Variants in GPC5 observed in about 807,000 individuals in gnomAD.
The protein encoded by GPC5 is glypican 5.
GPC5 carries 47 observed loss-of-function variants against 53.9 expected under a neutral mutation model. That is an observed-to-expected ratio of 0.87 (90% confidence interval 0.69 to 1.11). The LOEUF (loss-of-function observed/expected upper bound fraction) is 1.11, where lower values mean the gene tolerates loss of function less well. Ranked by LOEUF, GPC5 falls within the 50% of genes most tolerant of loss-of-function variation. The pLI is 0.00. For synonymous variants in GPC5, 286 were observed against 263.3 expected, an observed-to-expected ratio of 1.09 and a Z score of -0.84; for missense variants, 748 against 713.1, an observed-to-expected ratio of 1.05 and a Z score of -0.56.
At chr13:92,524,441 CA>C (rs1444587829) in intron 7 of GPC5, among the ~76,000 whole-genome samples, 1 of 152,066 alleles carries the variant, frequency 6.6e-6, no homozygotes, top group African/African-American at 2.4e-5. Context: ...TCAGTACAGA[CA>C]GAATATTTTT....
chr13:91,841,068 G>C (rs776368824), intron 5 of GPC5, among the ~76,000 whole-genome samples: 77 of 151,534 alleles, frequency 5.1e-4, no homozygotes, highest in Admixed American at 1.6e-3. Context: ...TTCAAAGAGC[G>C]TGAAAGCTAG....
At chr13:92,533,651 G>A (rs893992966) in intron 7 of GPC5, among the ~76,000 whole-genome samples, 1 of 152,018 alleles carries the variant, frequency 6.6e-6, no homozygotes, top group Non-Finnish European at 1.5e-5. Context: ...TTAAATAGAG[G>A]GTAAGTGTAT....
chr13:91,633,537 C>CA (rs1264354960), intron 2 of GPC5, among the ~76,000 whole-genome samples: 2 of 152,122 alleles, frequency 1.3e-5, no homozygotes, highest in Non-Finnish European at 2.9e-5. Flanking sequence ...ATTTTGGTGT[C>CA]AAACTAATTT....
intron 6 of GPC5, among the ~76,000 whole-genome samples, chr13:92,016,564 CT>C (rs2040709141): frequency 1.3e-5 from 2 of 152,104 alleles, no homozygotes; most frequent in Admixed American, 1.3e-4. Context: ...ATTTATGCAC[CT>C]TTCTGTGCTT....
At chr13:91,517,191 T>C (rs1885551260) in intron 2 of GPC5, among the ~76,000 whole-genome samples, 1 of 152,234 alleles carries the variant, frequency 6.6e-6, no homozygotes. Flanking sequence ...AATGGGTTTT[T>C]CTTTTCTACT....
Position 92,758,994 on chromosome 13 carries a change from G to GTTTTTTT in GPC5, c.1562-107269_1562-107263dup, listed in dbSNP as rs68182839. On this transcript the variant is annotated intron_variant, in intron 7 of 7. Coordinates refer to ENST00000377067, the MANE Select transcript of GPC5 (RefSeq NM_004466.6). Reference sequence around the variant, plus strand: ...CAGAGAATATCCTTTTCCCATTGCGGTTTTTTTTTTTTTTTTTTTTTTTTT... The same window carrying GTTTTTTT: ...CAGAGAATATCCTTTTCCCATTGCGGTTTTTTTTTTTTTTTTTTTTTTTTTTTTTTTT... 2.0e-3 allele frequency among the ~76,000 whole-genome samples: 142 copies of GTTTTTTT among 70,558 alleles called. 12 individuals carry two copies. The highest frequency in any genetic ancestry group is 6.3e-3 in the East Asian group (10 of 1,592). 46.3% of individuals were successfully genotyped at this position (70,558 alleles called of 152,430 possible).
intron 7 of GPC5, among the ~76,000 whole-genome samples, chr13:92,451,814 AATGTAC>A (rs1051536360): frequency 6.6e-6 from 1 of 152,188 alleles, no homozygotes; most frequent in African/African-American, 2.4e-5. Flanking sequence ...GAAGAAACGA[AATGTAC>A]ATGTACCTGT....
At chr13:92,179,347 A>G (rs1161365527) in intron 7 of GPC5, among the ~76,000 whole-genome samples, 1 of 152,226 alleles carries the variant, frequency 6.6e-6, no homozygotes, top group Non-Finnish European at 1.5e-5. Context: ...TTTACAGATG[A>G]CACAGCTAAG....
At chr13:92,144,466 A>G (rs1326755284) in intron 6 of GPC5, among the ~76,000 whole-genome samples, 2 of 152,216 alleles carry the variant, frequency 1.3e-5, no homozygotes, top group Non-Finnish European at 2.9e-5. Flanking sequence ...ATTATCAGCC[A>G]ATATACTACA....
chr13:91,811,439 TA>T (rs2038310519), intron 5 of GPC5, among the ~76,000 whole-genome samples: 1 of 152,138 alleles, frequency 6.6e-6, no homozygotes, highest in East Asian at 1.9e-4. Flanking sequence ...TTATGTTGTA[TA>T]ATGATAAACA....
At chr13:91,471,028 A>G (rs1882586073) in intron 2 of GPC5, among the ~76,000 whole-genome samples, 1 of 152,162 alleles carries the variant, frequency 6.6e-6, no homozygotes, top group African/African-American at 2.4e-5. Context: ...GTTAAAAAAA[A>G]CAAACAACCC....
chr13:92,378,698 C>T (rs2043714531), intron 7 of GPC5, among the ~76,000 whole-genome samples: 1 of 152,108 alleles, frequency 6.6e-6, no homozygotes, highest in Admixed American at 6.6e-5. Flanking sequence ...GAAACTATGA[C>T]TCCATCATTG....
At chr13:92,568,206 A>T (rs1317052155) in intron 7 of GPC5, among the ~76,000 whole-genome samples, 1 of 152,162 alleles carries the variant, frequency 6.6e-6, no homozygotes, top group Non-Finnish European at 1.5e-5. Context: ...TTTATTACCA[A>T]TGCAAATAAT....
intron 2 of GPC5, among the ~76,000 whole-genome samples, chr13:91,509,141 T>C (rs1315724357): frequency 1.3e-5 from 2 of 152,298 alleles, no homozygotes; most frequent in African/African-American, 4.8e-5. Flanking sequence ...AGGCTACCAC[T>C]AATATTCCCT....
At chr13:92,564,982 A>C (rs1882819203) in intron 7 of GPC5, among the ~76,000 whole-genome samples, 1 of 152,100 alleles carries the variant, frequency 6.6e-6, no homozygotes. Context: ...TTAAACACCC[A>C]GATGTAAAAG....
intron 7 of GPC5, among the ~76,000 whole-genome samples, chr13:92,334,699 T>C (rs1383628946): frequency 3.3e-5 from 5 of 151,908 alleles, no homozygotes; most frequent in Non-Finnish European, 7.4e-5. Flanking sequence ...AGGCATTGGG[T>C]AAATATACCC....
chr13:91,685,786 T>C (rs908822171), intron 2 of GPC5, among the ~76,000 whole-genome samples: 1 of 152,126 alleles, frequency 6.6e-6, no homozygotes, highest in African/African-American at 2.4e-5. Context: ...ATAGACAGTG[T>C]GCCATTGAAA....
chr13:92,515,571 A>G (rs1024184580), intron 7 of GPC5, among the ~76,000 whole-genome samples: 1 of 152,238 alleles, frequency 6.6e-6, no homozygotes, highest in Non-Finnish European at 1.5e-5. Flanking sequence ...TTTTTCAAGC[A>G]GTAGATACAT....
intron 7 of GPC5, among the ~76,000 whole-genome samples, chr13:92,343,803 G>A (rs991449374): frequency 6.6e-6 from 1 of 151,878 alleles, no homozygotes; most frequent in African/African-American, 2.4e-5. Context: ...TTTATATTCT[G>A]TTAAAACCTA....
Sources: gnomAD v4.1 joint callset for allele counts (sites outside exome capture counted in the v4.1 genomes callset) on GRCh38, gnomAD v4.1.1 for gene constraint, MANE v1.5 for transcripts, NCBI Gene and HGNC (gene_info 2026-07-23, HGNC 2026-07-21) for gene names.